The following ZNF705G variants were observed in gnomAD, a reference collection of about 807,000 sequenced individuals.
ZNF705G encodes the protein putative zinc finger protein 705G.
In ZNF705G, 23 loss-of-function variants were observed where a neutral mutation model predicts 19.6. The ratio of observed to expected loss-of-function variants is 1.17; its 90% confidence interval spans 0.84 to 1.66. ZNF705G has a LOEUF of 1.66. Ranked by LOEUF, ZNF705G falls within the 40% of genes most tolerant of loss-of-function variation. ZNF705G has a pLI of 0.00. For synonymous variants in ZNF705G, 146 were observed against 117.7 expected, an observed-to-expected ratio of 1.24 and a Z score of -1.56; for missense variants, 457 against 354.4, an observed-to-expected ratio of 1.29 and a Z score of -2.32.
intron 2 of ZNF705G, among the ~76,000 whole-genome samples, chr8:7,371,050 C>T (rs376850988): frequency 0.076 from 10,069 of 133,024 alleles, 150 homozygotes; most frequent in African/African-American, 0.25. Context: ...ACAACACACA[C>T]TGGGGCCTGT....
chr8:7,378,830 G>C (rs899683973), intron 2 of ZNF705G, among the ~76,000 whole-genome samples: 1 of 146,902 alleles, frequency 6.8e-6, no homozygotes, highest in African/African-American at 2.7e-5. Flanking sequence ...AAGGTCAGGT[G>C]ATTAACAGCC....
intron 1 of ZNF705G, among the ~76,000 whole-genome samples, chr8:7,383,561 A>C (rs1314467644): frequency 1.4e-5 from 2 of 146,642 alleles, no homozygotes; most frequent in African/African-American, 5.5e-5. Context: ...GAGGTAAGGA[A>C]GTGCTGTGGC....
Position 7,360,272 on chromosome 8 carries a change from C to A in ZNF705G, c.200G>T (p.Arg67Met), listed in dbSNP as rs759058960. ...LQLEQGKELW[R>M]EGRVFLQDQN... ...GTCTTGAAGAAATACTCTTCCTTCC[C>A]TCCACAGCTCTTTTCCTTGCTCCAG... Residue 67 changes from arginine to methionine, a missense_variant, in exon 5 of 7, where the codon AGG becomes ATG. Physicochemically the swap from Arg to Met is moderately conservative, Grantham distance 91 (BLOSUM62 -1). Coordinates refer to ENST00000400156, the MANE Select transcript of ZNF705G (RefSeq NM_001164457.3). The A allele has an allele frequency of 1.9e-6, 3 of 1,591,926 alleles. No individual in the cohort carries two copies. Among genetic ancestry groups the A allele is most frequent in the African/African-American group, 2.8e-5 (2 of 70,526 alleles).
rs1563303324 is a variant in ZNF705G, at chr8:7,381,025, CCA to C, written c.-72+425_-72+426del. Among the ~76,000 whole-genome samples, 16 of 32,286 alleles carry C rather than the reference CCA, an allele frequency of 5.0e-4. 4 individuals carry two copies. Among genetic ancestry groups the C allele is most frequent in the African/African-American group, 1.2e-3 (5 of 4,046 alleles). The allele number at this position is 32,286 out of a possible 152,430, so 21.2% of individuals were successfully genotyped here. On this transcript the variant is annotated intron_variant, in intron 2 of 6. Coordinates refer to ENST00000400156, the MANE Select transcript of ZNF705G (RefSeq NM_001164457.3). ...AGCTAGACTCTGTCTCAAACCACCA[CCA>C]AAAAAAAAAAAAAAAAAAAAAAAAA...
At position 7,383,478 on chromosome 8, in the gene ZNF705G, G is replaced by A. The variant is rs147209989; in HGVS notation, c.-221-1877C>T. ...TACCTAGCAGAGACGAGGTACTCAC[G>A]TATTTGTTTAAACAAATGAAACTTG... On this transcript the variant is annotated intron_variant, in intron 1 of 6. Transcript: ENST00000400156. 1.1e-4 allele frequency among the ~76,000 whole-genome samples: 16 copies of A among 146,134 alleles called. 1 individual carries two copies. The highest frequency in any genetic ancestry group is 5.8e-4 in the East Asian group (3 of 5,166).
chr8:7,364,166 A>G (rs1251709621), intron 2 of ZNF705G, among the ~76,000 whole-genome samples: 1 of 149,656 alleles, frequency 6.7e-6, no homozygotes, highest in Non-Finnish European at 1.5e-5. Flanking sequence ...ACCGATGTCC[A>G]TGTATACATT....
Position 7,380,875 on chromosome 8 carries a change from G to A in ZNF705G, c.-72+577C>T, listed in dbSNP as rs574222873. Among the ~76,000 whole-genome samples, 336 of 142,166 alleles carry A rather than the reference G, an allele frequency of 2.4e-3. 26 individuals carry two copies. The highest frequency in any genetic ancestry group is 9.9e-3 in the African/African-American group (325 of 32,958). 93.3% of individuals were successfully genotyped at this position (142,166 alleles called of 152,430 possible). ...TCTCTACTAAAGACAAAATTAGCTGGGCATGGAGGCGCATGCCTGTAATCC... is the reference window on the plus strand; with the variant it reads ...TCTCTACTAAAGACAAAATTAGCTGAGCATGGAGGCGCATGCCTGTAATCC... On this transcript the variant is annotated intron_variant, in intron 2 of 6. Coordinates refer to ENST00000400156, the MANE Select transcript of ZNF705G (RefSeq NM_001164457.3).
chr8:7,363,772 G>A (rs954010723), intron 2 of ZNF705G, among the ~76,000 whole-genome samples: 1 of 148,942 alleles, frequency 6.7e-6, no homozygotes, highest in African/African-American at 2.6e-5. Flanking sequence ...AGTGAGCCGA[G>A]ATCCCACCAC....
At chr8:7,364,124 C>A (rs1016467639) in intron 2 of ZNF705G, among the ~76,000 whole-genome samples, 10 of 149,366 alleles carry the variant, frequency 6.7e-5, no homozygotes, top group Non-Finnish European at 1.3e-4. Flanking sequence ...TGCAATATCT[C>A]TGATTATCAT....
At chr8:7,383,779 C>G (rs1807611631) in intron 1 of ZNF705G, among the ~76,000 whole-genome samples, 1 of 148,176 alleles carries the variant, frequency 6.7e-6, no homozygotes, top group African/African-American at 2.7e-5. Flanking sequence ...AGGAAGCGAG[C>G]TCTCTCCAGA....
chr8:7,370,829 A>G (rs999586671), intron 2 of ZNF705G, among the ~76,000 whole-genome samples: 1 of 108,332 alleles, frequency 9.2e-6, no homozygotes, highest in Non-Finnish European at 1.8e-5. Context: ...TCCATCAGTG[A>G]CAGACTGGAT....
chr8:7,379,156 G>A (rs1487377399), intron 2 of ZNF705G, among the ~76,000 whole-genome samples: 5 of 149,250 alleles, frequency 3.4e-5, no homozygotes, highest in African/African-American at 1.0e-4. Context: ...TTTTCACTAT[G>A]CCTGATTTGG....
In ZNF705G at chr8:7,357,275, A is replaced by G. The variant is rs944229990; in HGVS notation, c.*701T>C. On this transcript the variant is annotated 3_prime_UTR_variant, in exon 7 of 7. Coordinates refer to ENST00000400156, the MANE Select transcript of ZNF705G (RefSeq NM_001164457.3). The stretch of plus-strand genomic sequence containing the variant: ...AAGAAGTATTTGGTATTCCAAGAGA[A>G]TTCATTGCCCTTGGAAAGATTTTCC... 3.3e-5 allele frequency: 5 copies of G among 151,770 alleles called. No homozygotes were observed. The highest frequency in any genetic ancestry group is 1.3e-4 in the African/African-American group (5 of 39,214). The allele number at this position is 151,770 out of a possible 1,614,324, so 9.4% of individuals were successfully genotyped here. A position where few individuals can be genotyped will look rare whatever the true frequency, so the allele number is the denominator to read the frequency against.
intron 2 of ZNF705G, among the ~76,000 whole-genome samples, chr8:7,369,840 T>C (rs1394348682): frequency 6.7e-6 from 1 of 149,084 alleles, no homozygotes; most frequent in Admixed American, 6.6e-5. Flanking sequence ...AAGCATTGGT[T>C]ACACATGGAC....
chr8:7,361,895 C>T (rs1248254837), intron 3 of ZNF705G, among the ~76,000 whole-genome samples: 2 of 149,564 alleles, frequency 1.3e-5, no homozygotes, highest in Non-Finnish European at 2.9e-5. Flanking sequence ...TATATATAGT[C>T]TCTCTAATGT....
intron 2 of ZNF705G, among the ~76,000 whole-genome samples, chr8:7,369,861 G>A (rs1267449370): frequency 6.7e-6 from 1 of 149,006 alleles, no homozygotes; most frequent in South Asian, 2.1e-4. Flanking sequence ...GTAAAGATCA[G>A]AACAACAGAT....
chr8:7,375,343 T>A lies in ZNF705G; in HGVS notation c.-72+6109A>T, dbSNP rs1268328036. 2.1e-5 allele frequency among the ~76,000 whole-genome samples: 2 copies of A among 94,470 alleles called. 1 individual carries two copies. The highest frequency in any genetic ancestry group is 9.8e-5 in the African/African-American group (2 of 20,340). 62.0% of individuals were successfully genotyped at this position (94,470 alleles called of 152,430 possible). A position where few individuals can be genotyped will look rare whatever the true frequency, so the allele number is the denominator to read the frequency against. On this transcript the variant is annotated intron_variant, in intron 2 of 6. Transcript: ENST00000400156. ...AGTCCTCCAGCTGCACCCATGTTGC[T>A]GAAAAGGACACAATTTTGTTCTTTT...
At chr8:7,360,017 C>T (rs1374800461) in intron 5 of ZNF705G, among the ~76,000 whole-genome samples, 2 of 149,264 alleles carry the variant, frequency 1.3e-5, no homozygotes, top group Non-Finnish European at 2.9e-5. Context: ...ATGAATTATC[C>T]TTTTCCCAAA....
intron 2 of ZNF705G, among the ~76,000 whole-genome samples, chr8:7,363,843 A>T (rs1294212258): frequency 6.7e-6 from 1 of 149,060 alleles, no homozygotes; most frequent in Non-Finnish European, 1.5e-5. Flanking sequence ...CTGTTTTAGG[A>T]TGGGGATAAT....
Sources: allele counts gnomAD v4.1 joint callset (sites outside exome capture counted in the v4.1 genomes callset), GRCh38; gene constraint gnomAD v4.1.1; transcripts MANE v1.5; gene names NCBI Gene and HGNC (gene_info 2026-07-23, HGNC 2026-07-21).